PCSK6: variants seen among roughly 807,000 people sequenced by gnomAD.
PCSK6 encodes the protein proprotein convertase subtilisin/kexin type 6, also known as paired basic amino acid cleaving enzyme 4.
PCSK6 carries 85 observed loss-of-function variants against 123.3 expected under a neutral mutation model. The ratio of observed to expected loss-of-function variants is 0.69; its 90% CI spans 0.58 to 0.83. The LOEUF (loss-of-function observed/expected upper bound fraction) is 0.83. PCSK6 is among the 40% of genes least tolerant of loss of function. The pLI is 0.00. For missense variants in PCSK6, 1,191 were observed against 1,282.3 expected, an observed-to-expected ratio of 0.93 and a Z score of 1.09; for synonymous variants, 508 against 516.0, an observed-to-expected ratio of 0.98 and a Z score of 0.21.
intron 13 of PCSK6, among the ~76,000 whole-genome samples, chr15:101,338,603 A>T (rs777369802): frequency 5.9e-5 from 9 of 152,248 alleles, no homozygotes; most frequent in Non-Finnish European, 1.3e-4. Context: ...GCTTTCGGCA[A>T]ACCACTTAGC....
At chr15:101,467,008 T>C (rs1179598511) in intron 1 of PCSK6, among the ~76,000 whole-genome samples, 2 of 152,214 alleles carry the variant, frequency 1.3e-5, no homozygotes, top group Non-Finnish European at 2.9e-5. Context: ...ATGTGAATTA[T>C]AACTTAACAG....
chr15:101,348,145 GC>G (rs1258100210), intron 13 of PCSK6, among the ~76,000 whole-genome samples: 3 of 149,438 alleles, frequency 2.0e-5, no homozygotes, highest in Non-Finnish European at 4.5e-5. Flanking sequence ...CACAACCCCC[GC>G]CCCCCCGGGG....
chr15:101,371,594 G>A (rs1415018452), intron 11 of PCSK6, among the ~76,000 whole-genome samples: 1 of 152,246 alleles, frequency 6.6e-6, no homozygotes, highest in African/African-American at 2.4e-5. Context: ...ACTGGCCTGA[G>A]AATTTCCAAG....
chr15:101,426,030 A>G (rs1003568406), intron 6 of PCSK6, among the ~76,000 whole-genome samples: 2 of 152,148 alleles, frequency 1.3e-5, no homozygotes, highest in African/African-American at 4.8e-5. Context: ...GGGATTCTGC[A>G]TTTCTAACGG....
intron 13 of PCSK6, chr15:101,347,567 T>C: frequency 7.0e-7 from 1 of 1,430,346 alleles, no homozygotes; most frequent in Non-Finnish European, 9.2e-7. Flanking sequence ...GCACACGCAT[T>C]CATGCAGTCA....
At chr15:101,379,451 C>T (rs1175491303) in intron 11 of PCSK6, among the ~76,000 whole-genome samples, 2 of 152,216 alleles carry the variant, frequency 1.3e-5, no homozygotes. Context: ...GCATCCTCTC[C>T]TGTTCAAGAG....
intron 13 of PCSK6, chr15:101,364,879 G>A (rs4965833): frequency 0.36 from 214,599 of 599,164 alleles, 42,249 homozygotes; most frequent in East Asian, 0.59. Context: ...CCAAGTTGGA[G>A]GACTCGCACT....
chr15:101,414,167 A>C (rs1045872183), intron 6 of PCSK6, among the ~76,000 whole-genome samples: 1 of 152,216 alleles, frequency 6.6e-6, no homozygotes, highest in African/African-American at 2.4e-5. Context: ...AGTGAAAATT[A>C]TCTTGAACTT....
chr15:101,447,852 C>T (rs575273337), intron 1 of PCSK6, among the ~76,000 whole-genome samples: 6 of 150,808 alleles, frequency 4.0e-5, no homozygotes, highest in South Asian at 4.1e-4. Context: ...CTGAGCAGCC[C>T]GCCTTTAGAA....
At chr15:101,458,591 T>C (rs1051869198) in intron 1 of PCSK6, among the ~76,000 whole-genome samples, 48 of 152,060 alleles carry the variant, frequency 3.2e-4, no homozygotes, top group African/African-American at 1.1e-3. Context: ...CCTTTCACCA[T>C]GTGTATCTTC....
At chr15:101,482,576 T>A (rs2057916344) in intron 1 of PCSK6, among the ~76,000 whole-genome samples, 2 of 152,124 alleles carry the variant, frequency 1.3e-5, no homozygotes, top group Non-Finnish European at 2.9e-5. Flanking sequence ...GGCATGCAGT[T>A]GGCGGACACT....
Position 101,489,701 on chromosome 15 carries a change from T to C in PCSK6, c.-31A>G. The C allele has an allele frequency of 3.2e-6, 3 of 937,212 alleles. No individual in the cohort carries two copies. The highest frequency in any genetic ancestry group is 3.8e-6 in the Non-Finnish European group (3 of 790,670). The allele number at this position is 937,212 out of a possible 1,614,324, so 58.1% of individuals were successfully genotyped here. A position where few individuals can be genotyped will look rare whatever the true frequency, so the allele number is the denominator to read the frequency against. ...CGACAGGCTCGCGCGGCGCCCGAGC[T>C]GCGAGTGCGCCGGGGGGTGGAGTGC... On this transcript the variant is annotated 5_prime_UTR_variant, in exon 1 of 22. Transcript: ENST00000611716.
At chr15:101,324,197 C>G (rs11854011) in intron 17 of PCSK6, among the ~76,000 whole-genome samples, 2 of 152,192 alleles carry the variant, frequency 1.3e-5, no homozygotes, top group Non-Finnish European at 2.9e-5. Flanking sequence ...GTCTAGTGTT[C>G]AGGGGTGCGG....
intron 13 of PCSK6, among the ~76,000 whole-genome samples, chr15:101,362,230 A>T (rs2041250965): frequency 1.3e-5 from 2 of 152,190 alleles, no homozygotes; most frequent in South Asian, 4.1e-4. Flanking sequence ...TGCTGGAATT[A>T]CAGGCATGAG....
rs1489461262 is a variant in PCSK6, at chr15:101,304,573, A to C, written c.*685T>G. 3 of 152,256 alleles carry C rather than the reference A, an allele frequency of 2.0e-5. No homozygotes were observed. Among genetic ancestry groups the C allele is most frequent in the Admixed American group, 2.0e-4 (3 of 15,292 alleles). 9.4% of individuals were successfully genotyped at this position (152,256 alleles called of 1,614,324 possible). On this transcript the variant is annotated 3_prime_UTR_variant, in exon 22 of 22. Transcript: ENST00000611716. ...GAAGACACAGACAGAACACGGTAAC[A>C]AGGAGAGCTCGGCTTGCTCAAAGGA...
At chr15:101,370,892 C>T (rs2041565273) in intron 11 of PCSK6, among the ~76,000 whole-genome samples, 1 of 152,220 alleles carries the variant, frequency 6.6e-6, no homozygotes, top group Non-Finnish European at 1.5e-5. Context: ...GTGCACAGCA[C>T]AGGCCCCATT....
At chr15:101,455,674 CATCCAGCTGCATCA>C (rs2057160468) in intron 1 of PCSK6, among the ~76,000 whole-genome samples, 1 of 152,218 alleles carries the variant, frequency 6.6e-6, no homozygotes, top group African/African-American at 2.4e-5. Flanking sequence ...AGAAAGCTTT[CATCCAGCTGCATCA>C]ATGCCCCAAC....
At chr15:101,472,610 G>A (rs545699954) in intron 1 of PCSK6, among the ~76,000 whole-genome samples, 202 of 152,314 alleles carry the variant, frequency 1.3e-3, no homozygotes, top group African/African-American at 4.5e-3. Flanking sequence ...CTCCACTGAG[G>A]AGGTCAGTTT....
At chr15:101,401,334 T>C (rs2042578079) in intron 6 of PCSK6, among the ~76,000 whole-genome samples, 1 of 152,212 alleles carries the variant, frequency 6.6e-6, no homozygotes, top group African/African-American at 2.4e-5. Flanking sequence ...TAAATGTAAC[T>C]TCAGTGTTAT....
Sources: gnomAD v4.1 joint callset for allele counts (sites outside exome capture counted in the v4.1 genomes callset) on GRCh38, gnomAD v4.1.1 for gene constraint, MANE v1.5 for transcripts, NCBI Gene and HGNC (gene_info 2026-07-23, HGNC 2026-07-21) for gene names.